UVRAG: variants seen among roughly 807,000 people sequenced by gnomAD.
The protein encoded by UVRAG is UV radiation resistance associated.
UVRAG carries 19 observed loss-of-function variants against 78.0 expected under a neutral mutation model. The observed-to-expected ratio is 0.24, with a 90% confidence interval of 0.17 to 0.36. The LOEUF (loss-of-function observed/expected upper bound fraction) is 0.36. Ranked by LOEUF, UVRAG falls within the 10% of genes least tolerant of loss-of-function variation. The pLI is 1.00. For synonymous variants in UVRAG, 323 were observed against 324.6 expected (o/e 1.00, Z 0.05); for missense variants, 740 against 853.8 (o/e 0.87, Z 1.66).
intron 14 of UVRAG, among the ~76,000 whole-genome samples, chr11:76,119,515 C>G (rs1412952573): frequency 6.6e-6 from 1 of 152,162 alleles, no homozygotes; most frequent in Non-Finnish European, 1.5e-5. Context: ...AGAAGCATCT[C>G]AGCCTCAACA....
At chr11:75,914,095 A>G (rs1947797569) in intron 6 of UVRAG, 1 of 152,218 alleles carries the variant, frequency 6.6e-6, no homozygotes, top group South Asian at 2.1e-4. Context: ...TTGTTCTGGA[A>G]TTGGAAACTT....
chr11:76,108,791 T>A (rs1394877116), intron 13 of UVRAG, among the ~76,000 whole-genome samples: 1 of 152,198 alleles, frequency 6.6e-6, no homozygotes, highest in African/African-American at 2.4e-5. Flanking sequence ...AGCGTAAGGA[T>A]TATCTTTTGC....
At chr11:76,125,771 T>C (rs1475240806) in intron 14 of UVRAG, among the ~76,000 whole-genome samples, 8 of 152,194 alleles carry the variant, frequency 5.3e-5, no homozygotes, top group Non-Finnish European at 1.0e-4. Flanking sequence ...ATTTGGAAGT[T>C]GTAAAAATAT....
At chr11:76,042,615 A>G (rs1382849357) in intron 12 of UVRAG, among the ~76,000 whole-genome samples, 2 of 152,228 alleles carry the variant, frequency 1.3e-5, no homozygotes, top group Non-Finnish European at 2.9e-5. Flanking sequence ...TTGATTCACA[A>G]TTCTGGCCAG....
chr11:75,959,138 G>T (rs1565399208), intron 6 of UVRAG, among the ~76,000 whole-genome samples: 1 of 152,148 alleles, frequency 6.6e-6, no homozygotes, highest in Non-Finnish European at 1.5e-5. Context: ...AGTTGCAAAT[G>T]AGCATTAGCT....
intron 6 of UVRAG, chr11:75,916,062 T>C (rs999741883): frequency 2.0e-5 from 3 of 152,276 alleles, no homozygotes; most frequent in Non-Finnish European, 2.9e-5. Context: ...AACTCTGTTA[T>C]AGTAAGAAAA....
Position 76,105,456 on chromosome 11 carries a change from A to G in UVRAG, c.1306-10468A>G, listed in dbSNP as rs1357410076. ...AGTCATTAGGAACATGCAAATTAAA[A>G]CCACAATGAGGCCAGGTGCTATGGC... is the stretch of plus-strand genomic sequence containing the variant. On this transcript the variant is annotated intron_variant, in intron 13 of 14. Coordinates refer to ENST00000356136, the MANE Select transcript of UVRAG (RefSeq NM_003369.4). Among the ~76,000 whole-genome samples the G allele has an allele frequency of 2.0e-5, 3 of 152,244 alleles. No homozygotes were observed. In the East Asian group the frequency reaches 5.8e-4, roughly 29 times the overall value.
At chr11:75,990,095 T>C (rs1660164369) in intron 8 of UVRAG, among the ~76,000 whole-genome samples, 1 of 152,186 alleles carries the variant, frequency 6.6e-6, no homozygotes, top group African/African-American at 2.4e-5. Flanking sequence ...AGTAAGTCAT[T>C]TTTAGCAGGT....
intron 8 of UVRAG, among the ~76,000 whole-genome samples, chr11:75,986,893 C>T (rs760309489): frequency 6.6e-6 from 1 of 151,804 alleles, no homozygotes; most frequent in East Asian, 1.9e-4. Flanking sequence ...ATTTGTTTAG[C>T]GTAATATTTG....
chr11:75,928,753 C>T (rs1948166420), intron 6 of UVRAG, among the ~76,000 whole-genome samples: 1 of 151,530 alleles, frequency 6.6e-6, no homozygotes, highest in African/African-American at 2.4e-5. Context: ...TCCTGGCTAA[C>T]ATGGTGAAAC....
At chr11:76,134,762 C>T (rs1176524772) in intron 14 of UVRAG, among the ~76,000 whole-genome samples, 6 of 152,294 alleles carry the variant, frequency 3.9e-5, no homozygotes, top group African/African-American at 7.2e-5. Context: ...ATCCTGCCAA[C>T]GATTTTAAGC....
At chr11:75,918,805 T>G (rs1474093536) in intron 6 of UVRAG, among the ~76,000 whole-genome samples, 1 of 152,218 alleles carries the variant, frequency 6.6e-6, no homozygotes, top group Non-Finnish European at 1.5e-5. Flanking sequence ...GTTTTGTTTT[T>G]CCTAATGGTT....
intron 13 of UVRAG, among the ~76,000 whole-genome samples, chr11:76,113,406 GTC>G (rs1952118153): frequency 1.3e-5 from 2 of 152,088 alleles, no homozygotes; most frequent in Admixed American, 6.5e-5. Context: ...AGTAGATGAT[GTC>G]TCTAACTGGA....
intron 13 of UVRAG, among the ~76,000 whole-genome samples, chr11:76,070,922 A>G (rs555399193): frequency 1.3e-5 from 2 of 152,356 alleles, no homozygotes; most frequent in Admixed American, 6.5e-5. Context: ...CAACCATTAT[A>G]TATCATTGTG....
intron 12 of UVRAG, among the ~76,000 whole-genome samples, chr11:76,055,337 C>T (rs922253772): frequency 3.3e-5 from 5 of 152,166 alleles, no homozygotes; most frequent in East Asian, 1.9e-4. Flanking sequence ...CATGAGCCAC[C>T]GCACCAGCCT....
intron 13 of UVRAG, among the ~76,000 whole-genome samples, chr11:76,102,178 G>T (rs1430100561): frequency 6.6e-6 from 1 of 152,154 alleles, no homozygotes; most frequent in Non-Finnish European, 1.5e-5. Context: ...AGGCAATGTG[G>T]CCTTTTTAAT....
At chr11:75,843,550 C>CAGA (rs1565341442) in intron 1 of UVRAG, among the ~76,000 whole-genome samples, 1 of 152,198 alleles carries the variant, frequency 6.6e-6, no homozygotes, top group Non-Finnish European at 1.5e-5. Context: ...AATCCCACAT[C>CAGA]TCTTGACTCT....
intron 13 of UVRAG, among the ~76,000 whole-genome samples, chr11:76,079,912 A>G (rs535420286): frequency 6.6e-5 from 10 of 152,326 alleles, no homozygotes; most frequent in African/African-American, 2.4e-4. Context: ...CTATAACAGA[A>G]TATCATGGAC....
intron 6 of UVRAG, among the ~76,000 whole-genome samples, chr11:75,952,562 A>G (rs1470382137): frequency 6.6e-6 from 1 of 152,120 alleles, no homozygotes; most frequent in African/African-American, 2.4e-5. Flanking sequence ...TTGATTTTCA[A>G]ATATTATACC....
Sources: allele counts gnomAD v4.1 joint callset (sites outside exome capture counted in the v4.1 genomes callset), GRCh38; gene constraint gnomAD v4.1.1; transcripts MANE v1.5; gene names NCBI Gene and HGNC (gene_info 2026-07-23, HGNC 2026-07-21).